Variants in HM13 observed in about 807,000 individuals in gnomAD.
The protein encoded by HM13 is histocompatibility minor 13.
HM13 carries 18 observed loss-of-function variants against 50.0 expected under a neutral mutation model. That is an observed-to-expected ratio of 0.36 (90% CI 0.25 to 0.53). HM13 has a LOEUF of 0.53. Among genes scored for constraint, HM13 ranks in the 20% least tolerant of loss-of-function variants. The pLI, the probability that HM13 is intolerant of heterozygous loss-of-function variation, is 0.90. For missense variants in HM13, 393 were observed against 552.4 expected (o/e 0.71, Z 2.89); for synonymous variants, 197 against 232.6 (o/e 0.85, Z 1.39).
chr20:31,534,628 C>G (rs532098835), intron 2 of HM13, among the ~76,000 whole-genome samples: 1 of 151,740 alleles, frequency 6.6e-6, no homozygotes, highest in African/African-American at 2.4e-5. Flanking sequence ...ACAAAAAATA[C>G]AAAAATTAGC....
intron 3 of HM13, among the ~76,000 whole-genome samples, chr20:31,542,287 G>A (rs769217993): frequency 1.3e-5 from 2 of 152,178 alleles, no homozygotes; most frequent in South Asian, 2.1e-4. Flanking sequence ...AGGGAACCTC[G>A]GCTTACTTCA....
At chr20:31,533,086 C>T (rs73233635) in intron 2 of HM13, among the ~76,000 whole-genome samples, 3 of 152,226 alleles carry the variant, frequency 2.0e-5, no homozygotes, top group Non-Finnish European at 2.9e-5. Flanking sequence ...TGGCCTCCCC[C>T]CTGACATCTG....
chr20:31,557,015 T>A (rs1221565979), intron 8 of HM13, among the ~76,000 whole-genome samples: 4 of 118,878 alleles, frequency 3.4e-5, no homozygotes, highest in Admixed American at 7.8e-5. Context: ...CCAGACTCCA[T>A]CTCAAAAAAA....
chr20:31,539,597 C>T, intron 3 of HM13: 1 of 666,716 alleles, frequency 1.5e-6, no homozygotes, highest in Non-Finnish European at 1.9e-6. Flanking sequence ...AGATTGAGAC[C>T]ATCCTGGCCA....
At chr20:31,546,844 C>G (rs1260312541) in intron 4 of HM13, among the ~76,000 whole-genome samples, 2 of 152,046 alleles carry the variant, frequency 1.3e-5, no homozygotes, top group Non-Finnish European at 2.9e-5. Context: ...AGGAGGGTCA[C>G]TTGAGCCCTG....
chr20:31,550,352 CA>C, intron 7 of HM13: 1 of 538,548 alleles, frequency 1.9e-6, no homozygotes, highest in Non-Finnish European at 3.4e-6. Context: ...TGAAATGAGC[CA>C]AAATGGGAGC....
chr20:31,530,001 G>A (rs1982716866), intron 2 of HM13, among the ~76,000 whole-genome samples: 1 of 151,588 alleles, frequency 6.6e-6, no homozygotes, highest in South Asian at 2.1e-4. Flanking sequence ...AAAAAAATAT[G>A]TACATGTAGG....
rs1985009018 is a variant in HM13, at chr20:31,567,821, T to G, written c.1035-257T>G. The G allele has an allele frequency of 9.2e-6, 4 of 433,324 alleles. No individual in the cohort carries two copies. In the South Asian group the frequency reaches 1.7e-4, roughly 18 times the overall value. 26.8% of individuals were successfully genotyped at this position (433,324 alleles called of 1,614,324 possible). On this transcript the variant is annotated intron_variant, in intron 11 of 12. Transcript: ENST00000398174. The stretch of plus-strand genomic sequence containing the variant: ...GGGTTTCTACGGTATTTCTTAGAGG[T>G]GTTTCCACAGCAGCACATACACTTC...
In HM13 at chr20:31,539,381, C is replaced by G. The variant is rs45625042; in HGVS notation, c.365+1120C>G. On this transcript the variant is annotated intron_variant, in intron 3 of 12. Transcript: ENST00000398174. ...GGGTTCCCAGAAGGAAGGAACTCAC[C>G]TTGAACTTAGCTTTCTTTGAAGGGT... 7,411 of 985,460 alleles carry G rather than the reference C, an allele frequency of 7.5e-3. 29 individuals carry two copies. The highest frequency in any genetic ancestry group is 8.4e-3 in the Non-Finnish European group (7,013 of 829,958). 61.0% of individuals were successfully genotyped at this position (985,460 alleles called of 1,614,324 possible).
chr20:31,535,948 C>G (rs1983081378), intron 2 of HM13, among the ~76,000 whole-genome samples: 1 of 152,208 alleles, frequency 6.6e-6, no homozygotes. Flanking sequence ...GCCCAAGCCC[C>G]TTATCCACAA....
intron 3 of HM13, among the ~76,000 whole-genome samples, chr20:31,542,873 C>T (rs868352613): frequency 5.3e-5 from 8 of 152,286 alleles, no homozygotes; most frequent in Non-Finnish European, 8.8e-5. Context: ...AGTAAGTTTC[C>T]CAAGATCAGA....
rs144241558 is a variant in HM13 at position 31,544,390 on chromosome 20, A to G, written c.366-557A>G. ...TAAACAACTGAGGCCTTGTGGAAGG[A>G]GTGAATGTGATGGTGATCCTGCCCA... On this transcript the variant is annotated intron_variant, in intron 3 of 12. Coordinates refer to ENST00000398174, the MANE Select transcript of HM13 (RefSeq NM_178581.3). Among the ~76,000 whole-genome samples the G allele has an allele frequency of 3.7e-4, 56 of 152,328 alleles. No individual in the cohort carries two copies. The East Asian group carries it at 0.01, about 27-fold the overall frequency.
At chr20:31,531,771 G>A (rs1414804217) in intron 2 of HM13, among the ~76,000 whole-genome samples, 1 of 152,008 alleles carries the variant, frequency 6.6e-6, no homozygotes, top group East Asian at 1.9e-4. Flanking sequence ...AACCAGCCTG[G>A]GCAACATAGC....
At chr20:31,544,066 A>G (rs556752479) in intron 3 of HM13, among the ~76,000 whole-genome samples, 1 of 152,318 alleles carries the variant, frequency 6.6e-6, no homozygotes, top group East Asian at 1.9e-4. Flanking sequence ...CTTCATAGCA[A>G]TGCTCTGAGA....
chr20:31,517,564 T>C (rs1568776703), intron 1 of HM13, among the ~76,000 whole-genome samples: 1 of 151,816 alleles, frequency 6.6e-6, no homozygotes, highest in South Asian at 2.1e-4. Context: ...GTCAAGTAAA[T>C]AGAGCTCTGA....
At chr20:31,524,883 T>G (rs1381169119) in intron 1 of HM13, among the ~76,000 whole-genome samples, 2 of 151,822 alleles carry the variant, frequency 1.3e-5, no homozygotes, top group Non-Finnish European at 2.9e-5. Flanking sequence ...CTGGCTAATT[T>G]TTTCTATTTT....
At chr20:31,542,015 C>T (rs1381176884) in intron 3 of HM13, among the ~76,000 whole-genome samples, 1 of 152,230 alleles carries the variant, frequency 6.6e-6, no homozygotes. Flanking sequence ...GGTGGGCTGG[C>T]CACCTCCTGC....
At chr20:31,561,209 T>G (rs1220983938) in intron 9 of HM13, among the ~76,000 whole-genome samples, 1 of 152,212 alleles carries the variant, frequency 6.6e-6, no homozygotes, top group African/African-American at 2.4e-5. Context: ...GAGATTCACC[T>G]CAGATGTTTT....
rs1300646698 is a variant in HM13, at chr20:31,547,521, TGAAAAG to T, written c.455-1503_455-1498del. The T allele has an allele frequency of 1.2e-5, 9 of 768,484 alleles. No individual in the cohort carries two copies. The African/African-American group carries it at 1.3e-4, about 11-fold the overall frequency. The allele number at this position is 768,484 out of a possible 1,614,324, so 47.6% of individuals were successfully genotyped here. On this transcript the variant is annotated intron_variant, in intron 4 of 12. Transcript: ENST00000398174. ...CCTGGATCATGTTCAAGAAGTTTGA[TGAAAAG>T]GAAAGTGTGTCCAACTGCATCCAGT...
Sources: gnomAD v4.1 joint callset for allele counts (sites outside exome capture counted in the v4.1 genomes callset) on GRCh38, gnomAD v4.1.1 for gene constraint, MANE v1.5 for transcripts, NCBI Gene and HGNC (gene_info 2026-07-23, HGNC 2026-07-21) for gene names.